ZSCAN25: variants seen among roughly 807,000 people sequenced by gnomAD.
ZSCAN25 encodes zinc finger and SCAN domain containing 25.
ZSCAN25 carries 27 observed loss-of-function variants against 38.7 expected under a neutral mutation model. The ratio of observed to expected loss-of-function variants is 0.70; its 90% CI spans 0.51 to 0.96. The LOEUF is 0.96. Ranked by LOEUF, ZSCAN25 falls within the 40% of genes least tolerant of loss-of-function variation. The pLI is 0.00. For missense variants in ZSCAN25, 637 were observed against 705.9 expected (o/e 0.90, Z 1.11); for synonymous variants, 273 against 277.7 (o/e 0.98, Z 0.17).
At chr7:99,656,797 G>A in the ZSCAN25 span, among the ~76,000 whole-genome samples, 1 of 152,044 alleles carries the variant, frequency 6.6e-6, no homozygotes, top group Non-Finnish European at 1.5e-5. Context: ...ACTTCTTCCT[G>A]GTTTAGTCTT....
At chr7:99,638,743 A>T in the ZSCAN25 span, 1 of 1,168,946 alleles carries the variant, frequency 8.6e-7, no homozygotes, top group Non-Finnish European at 1.3e-6. Flanking sequence ...GTTCCCGAAG[A>T]TTTTGCATAG....
At chr7:99,711,802 A>C in the ZSCAN25 span, among the ~76,000 whole-genome samples, 6 of 128,200 alleles carry the variant, frequency 4.7e-5, no homozygotes, top group Admixed American at 3.1e-4. Flanking sequence ...ACAACAACAA[A>C]AACAGAAATG....
At chr7:99,667,028 G>T in the ZSCAN25 span, 1 of 1,614,148 alleles carries the variant, frequency 6.2e-7, no homozygotes, top group Non-Finnish European at 8.5e-7. Context: ...CTCAGCTAAA[G>T]AGATGGCACT....
intron 6 of ZSCAN25, among the ~76,000 whole-genome samples, chr7:99,622,934 G>A (rs888795177): frequency 1.3e-5 from 2 of 152,170 alleles, no homozygotes; most frequent in African/African-American, 4.8e-5. Flanking sequence ...AGCCTCCCAA[G>A]CAGCTGGGAC....
At chr7:99,721,779 G>A in the ZSCAN25 span, among the ~76,000 whole-genome samples, 7 of 152,106 alleles carry the variant, frequency 4.6e-5, no homozygotes, top group Non-Finnish European at 1.0e-4. Context: ...GTGTGCCTAT[G>A]TGTGTGATTA....
the ZSCAN25 span, among the ~76,000 whole-genome samples, chr7:99,641,141 A>G: frequency 6.6e-6 from 1 of 152,194 alleles, no homozygotes; most frequent in Non-Finnish European, 1.5e-5. Context: ...TCGTGCTGCT[A>G]TAAAGAGCTG....
At chr7:99,722,235 G>T in the ZSCAN25 span, 2 of 1,600,920 alleles carry the variant, frequency 1.2e-6, no homozygotes, top group Non-Finnish European at 8.6e-7. Context: ...TATCCTCTGT[G>T]CAGTGGGGTA....
the ZSCAN25 span, chr7:99,672,927 A>C: frequency 7.8e-7 from 1 of 1,288,778 alleles, no homozygotes; most frequent in Non-Finnish European, 9.8e-7. Flanking sequence ...TGAAAGACAA[A>C]AGAGCTCTTT....
the ZSCAN25 span, chr7:99,685,185 A>G: frequency 6.2e-7 from 1 of 1,613,226 alleles, no homozygotes. Context: ...CCTTTAGAAC[A>G]ATGGGTTTTT....
chr7:99,723,102 A>C, the ZSCAN25 span, among the ~76,000 whole-genome samples: 6,577 of 152,226 alleles, frequency 0.043, 448 homozygotes, highest in African/African-American at 0.15. Context: ...AGGAATGTGT[A>C]TCTTGGGGGT....
the ZSCAN25 span, among the ~76,000 whole-genome samples, chr7:99,644,272 G>A: frequency 1.6e-4 from 24 of 152,124 alleles, no homozygotes; most frequent in African/African-American, 5.6e-4. Flanking sequence ...CCTGTTTGGG[G>A]TAGCATTTGG....
At chr7:99,621,661 A>C (rs1647813690) in intron 5 of ZSCAN25, 87 bp downstream of exon 5, 1 of 1,116,026 alleles carries the variant, frequency 9.0e-7, no homozygotes, top group Non-Finnish European at 1.2e-6. Context: ...GCAATGGAGC[A>C]ACTAAGTTAC....
chr7:99,682,703 C>T, the ZSCAN25 span, among the ~76,000 whole-genome samples: 1 of 151,632 alleles, frequency 6.6e-6, no homozygotes, highest in Non-Finnish European at 1.5e-5. Context: ...TGAATCTGTG[C>T]ATTGCTTTGG....
Position 99,619,889 on chromosome 7 carries a change from C to T in ZSCAN25, c.283C>T (p.Pro95Ser). The change falls in exon 4 of 8, where the codon CCC (proline) becomes TCC (serine). Residue 95 changes from proline to serine, a missense_variant. Pro to Ser is a moderately conservative substitution (Grantham distance 74, BLOSUM62 -1). Coordinates refer to ENST00000394152, the MANE Select transcript of ZSCAN25 (RefSeq NM_145115.3). ...GCTGGAGCAGTTCCTCACTATCCTG[C>T]CCCGCGAGTTCTACGCCTGGATCCG... ...LVLEQFLTIL[P>S]REFYAWIREH... 1 of 1,614,234 alleles carries T rather than the reference C, an allele frequency of 6.2e-7. No homozygotes were observed.
chr7:99,707,435 C>A, the ZSCAN25 span, among the ~76,000 whole-genome samples: 8 of 152,194 alleles, frequency 5.3e-5, no homozygotes, highest in African/African-American at 9.7e-5. Flanking sequence ...CATGAGAAAA[C>A]TTCTACAAGT....
At chr7:99,674,455 T>G in the ZSCAN25 span, 1 of 1,135,274 alleles carries the variant, frequency 8.8e-7, no homozygotes, top group Admixed American at 2.0e-5. Context: ...CATGAAGACC[T>G]GGGCAGAGAC....
At chr7:99,672,864 A>G in the ZSCAN25 span, 19 of 1,405,864 alleles carry the variant, frequency 1.4e-5, no homozygotes, top group African/African-American at 2.6e-4. Context: ...CACAGGAGCC[A>G]CCCAAGGCTT....
chr7:99,692,513 C>T, the ZSCAN25 span, among the ~76,000 whole-genome samples: 3 of 152,208 alleles, frequency 2.0e-5, no homozygotes, highest in Admixed American at 6.5e-5. Flanking sequence ...TCCATTCTCC[C>T]TGTCCCTTTC....
At chr7:99,617,057 TG>T (rs1806516808) in intron 1 of ZSCAN25, 41 bp downstream of exon 1, 1 of 151,982 alleles carries the variant, frequency 6.6e-6, no homozygotes, top group African/African-American at 2.4e-5. Context: ...GCGGGCGAAG[TG>T]GTAAACGGGC....
Sources: gnomAD v4.1 joint callset for allele counts (sites outside exome capture counted in the v4.1 genomes callset) on GRCh38, gnomAD v4.1.1 for gene constraint, MANE v1.5 for transcripts, NCBI Gene and HGNC (gene_info 2026-07-23, HGNC 2026-07-21) for gene names.